GSTCD: variants seen among roughly 807,000 people sequenced by gnomAD.
GSTCD encodes glutathione S-transferase C-terminal domain containing.
A neutral mutation model predicts 68.3 loss-of-function variants in GSTCD; 44 were observed. The ratio of observed to expected loss-of-function variants is 0.64; its 90% confidence interval spans 0.51 to 0.83. The LOEUF (loss-of-function observed/expected upper bound fraction) is 0.83, where lower values mean the gene tolerates loss of function less well. GSTCD is among the 40% of genes least tolerant of loss of function. The pLI is 0.00. For missense variants in GSTCD, 739 were observed against 735.9 expected (o/e 1.00, Z -0.05); for synonymous variants, 273 against 255.2 (o/e 1.07, Z -0.67).
In GSTCD at chr4:105,837,884, T is replaced by C. The variant is rs375687733; in HGVS notation, c.1690T>C (p.Tyr564His). Residue 564 changes from tyrosine to histidine, a missense_variant, in exon 10 of 12, where the codon TAC becomes CAC. Transcript: ENST00000515279. ...KSEQFKKTLS[Y>H]KEHMILCRFA... ...TGAACAATTCAAGAAAACTTTATCA[T>C]ACAAGGTAACCTTAAAAAGATCTAG... 48 of 1,099,100 alleles carry C rather than the reference T, an allele frequency of 4.4e-5. No homozygotes were observed. Among genetic ancestry groups the C allele is most frequent in the Admixed American group, 1.3e-4 (5 of 39,974 alleles). The allele number at this position is 1,099,100 out of a possible 1,614,324, so 68.1% of individuals were successfully genotyped here.
At chr4:105,743,819 C>T (rs189514845) in intron 5 of GSTCD, among the ~76,000 whole-genome samples, 55 of 151,784 alleles carry the variant, frequency 3.6e-4, no homozygotes, top group East Asian at 2.7e-3. Flanking sequence ...CCACCACGCC[C>T]GGCTAATTTT....
At chr4:105,717,565 A>T (rs753147666) in intron 1 of GSTCD, 28 bp from the exon 2 acceptor site, 1 of 1,279,212 alleles carries the variant, frequency 7.8e-7, no homozygotes, top group East Asian at 2.3e-5. Flanking sequence ...ATATTCTAAG[A>T]CCATAATCAC....
At chr4:105,813,873 A>C (rs996004140) in intron 5 of GSTCD, among the ~76,000 whole-genome samples, 3 of 152,178 alleles carry the variant, frequency 2.0e-5, no homozygotes, top group African/African-American at 7.2e-5. Flanking sequence ...ATTCTATTTT[A>C]ATTTTCTCCA....
chr4:105,783,731 C>T (rs1463437129), intron 5 of GSTCD, among the ~76,000 whole-genome samples: 1 of 152,150 alleles, frequency 6.6e-6, no homozygotes, highest in Non-Finnish European at 1.5e-5. Flanking sequence ...TCTCCATAGC[C>T]TATATTCAAA....
At chr4:105,807,003 C>T (rs912281858) in intron 5 of GSTCD, among the ~76,000 whole-genome samples, 1 of 152,044 alleles carries the variant, frequency 6.6e-6, no homozygotes, top group African/African-American at 2.4e-5. Flanking sequence ...CCGACCACGC[C>T]ATTTACGTGC....
At chr4:105,743,653 CTT>C (rs777714268) in intron 5 of GSTCD, among the ~76,000 whole-genome samples, 545 of 88,862 alleles carry the variant, frequency 6.1e-3, no homozygotes, top group African/African-American at 0.025. Context: ...ACAGGACATT[CTT>C]TTTTTTTTTT....
chr4:105,786,238 G>T (rs558255355), intron 5 of GSTCD, among the ~76,000 whole-genome samples: 14 of 152,264 alleles, frequency 9.2e-5, no homozygotes, highest in Admixed American at 2.0e-4. Flanking sequence ...GGCCGGGCAT[G>T]GTGGCTCATG....
At chr4:105,833,205 C>G (rs962584548) in intron 8 of GSTCD, among the ~76,000 whole-genome samples, 1 of 152,202 alleles carries the variant, frequency 6.6e-6, no homozygotes. Context: ...TGGCTCATGC[C>G]TGTAATCCCA....
chr4:105,732,848 A>T (rs1733301936), intron 5 of GSTCD, among the ~76,000 whole-genome samples: 1 of 152,090 alleles, frequency 6.6e-6, no homozygotes, highest in African/African-American at 2.4e-5. Context: ...ATTTCCCTCT[A>T]CACACTGCTT....
intron 5 of GSTCD, among the ~76,000 whole-genome samples, chr4:105,822,306 C>G (rs549838816): frequency 6.6e-6 from 1 of 151,972 alleles, no homozygotes; most frequent in South Asian, 2.1e-4. Context: ...CTGTCTGACT[C>G]ATGAGGAAAG....
chr4:105,802,932 C>A (rs1381685963), intron 5 of GSTCD, among the ~76,000 whole-genome samples: 1 of 152,114 alleles, frequency 6.6e-6, no homozygotes, highest in Non-Finnish European at 1.5e-5. Context: ...AAACACCCTA[C>A]ACTCTAGTGT....
At chr4:105,768,194 A>G (rs998889512) in intron 5 of GSTCD, among the ~76,000 whole-genome samples, 1 of 151,292 alleles carries the variant, frequency 6.6e-6, no homozygotes, top group Admixed American at 6.6e-5. Flanking sequence ...CGCCCGGCTA[A>G]TTTTTTTTGT....
In GSTCD at chr4:105,823,275, G is replaced by A; in HGVS notation, c.1401G>A (p.Gln467=). 1 of 1,613,430 alleles carries A rather than the reference G, an allele frequency of 6.2e-7. No individual in the cohort carries two copies. The highest frequency in any genetic ancestry group is 8.5e-7 in the Non-Finnish European group (1 of 1,179,514). The part of the protein sequence containing the change: ...IVLAHMLPSC[Q]VTLIENKELS... ...TTGCTCACATGCTGCCATCATGTCA[G>A]GTAAAGCCAGAATAAGAGATAAAAG... Residue 467 remains glutamine, a splice_region_variant and synonymous_variant, in exon 7 of 12, where the codon CAG becomes CAA. Transcript: ENST00000515279.
At chr4:105,781,013 T>A (rs1189430656) in intron 5 of GSTCD, among the ~76,000 whole-genome samples, 1 of 152,134 alleles carries the variant, frequency 6.6e-6, no homozygotes, top group Non-Finnish European at 1.5e-5. Flanking sequence ...GCAAATTAGC[T>A]AACATTTCCA....
intron 5 of GSTCD, among the ~76,000 whole-genome samples, chr4:105,732,827 T>G (rs903289389): frequency 6.6e-6 from 1 of 152,234 alleles, no homozygotes; most frequent in Non-Finnish European, 1.5e-5. Context: ...TGTGGGCATT[T>G]AGTGGTATAA....
At chr4:105,795,362 G>A (rs1003303684) in intron 5 of GSTCD, among the ~76,000 whole-genome samples, 1 of 151,638 alleles carries the variant, frequency 6.6e-6, no homozygotes, top group Non-Finnish European at 1.5e-5. Flanking sequence ...TAGTGCTTTT[G>A]TTCTGATTAA....
chr4:105,772,943 T>A (rs973405085), intron 5 of GSTCD, among the ~76,000 whole-genome samples: 2 of 152,198 alleles, frequency 1.3e-5, no homozygotes. Context: ...TACCAGCTTC[T>A]CTTTGTACCT....
At chr4:105,731,336 C>T (rs1390639964) in intron 5 of GSTCD, among the ~76,000 whole-genome samples, 1 of 152,158 alleles carries the variant, frequency 6.6e-6, no homozygotes, top group Non-Finnish European at 1.5e-5. Context: ...TGGCCATTTT[C>T]ACAATATTGA....
chr4:105,790,344 A>G (rs1038945342), intron 5 of GSTCD, among the ~76,000 whole-genome samples: 5 of 152,142 alleles, frequency 3.3e-5, no homozygotes, highest in Non-Finnish European at 5.9e-5. Context: ...CCAAGTTAAG[A>G]GCATTAATAT....
Sources: allele counts gnomAD v4.1 joint callset (sites outside exome capture counted in the v4.1 genomes callset), GRCh38; gene constraint gnomAD v4.1.1; transcripts MANE v1.5; gene names NCBI Gene and HGNC (gene_info 2026-07-23, HGNC 2026-07-21).